The following RASAL3 variants were observed in gnomAD, a reference collection of about 807,000 sequenced individuals.
RASAL3 encodes RAS protein activator like 3.
RASAL3 carries 74 observed loss-of-function variants against 105.5 expected under a neutral mutation model. The observed-to-expected ratio is 0.70, with a 90% CI of 0.58 to 0.85. The LOEUF (loss-of-function observed/expected upper bound fraction) is 0.85. RASAL3 is among the 40% of genes least tolerant of loss of function. The pLI, the probability that RASAL3 is intolerant of heterozygous loss-of-function variation, is 0.00. For missense variants in RASAL3, 1,352 were observed against 1,392.0 expected (o/e 0.97, Z 0.46); for synonymous variants, 579 against 591.6 (o/e 0.98, Z 0.31).
chr19:15,461,995 TG>T (rs1174053333), intron 2 of RASAL3, among the ~76,000 whole-genome samples: 1 of 152,144 alleles, frequency 6.6e-6, no homozygotes, highest in Non-Finnish European at 1.5e-5. Context: ...TCTCTTTTTT[TG>T]TTTTTTTGTT....
Position 15,458,562 on chromosome 19 carries a change from G to A in RASAL3, c.756C>T (p.His252=), listed in dbSNP as rs751560919. The A allele has an allele frequency of 2.1e-5, 34 of 1,613,842 alleles. No individual in the cohort carries two copies. Among genetic ancestry groups the A allele is most frequent in the Non-Finnish European group, 2.9e-5 (34 of 1,179,824 alleles). The change falls in exon 7 of 18, where the codon CAC becomes CAT. Residue 252 remains histidine (H), a synonymous_variant. Coordinates refer to ENST00000343625, the MANE Select transcript of RASAL3 (RefSeq NM_022904.3). ...AGTGGGGCTCCCCCAGGAGGCTGGG[G>A]TGCAGTGGCCAGATCCGCACATCCC... The part of the protein sequence containing the change: ...AERDVRIWPL[H]PSLLGEPHCF...
Position 15,451,705 on chromosome 19 carries a change from C to T in RASAL3, c.*90G>A. 3.5e-6 allele frequency: 5 copies of T among 1,436,018 alleles called. No homozygotes were observed. Among genetic ancestry groups the T allele is most frequent in the Non-Finnish European group, 4.7e-6 (5 of 1,057,928 alleles). The allele number at this position is 1,436,018 out of a possible 1,614,324, so 89.0% of individuals were successfully genotyped here. On this transcript the variant is annotated 3_prime_UTR_variant, in exon 18 of 18. Transcript: ENST00000343625. ...CAGCAGCTCCACTCCCCACTGTAGG[C>T]CAAGTAGGGCTAAGGCAAAGTCAGA...
Position 15,461,246 on chromosome 19 carries a change from G to C in RASAL3, c.516C>G (p.His172Gln). ...VGSASSEGSI[H>Q]VAMGNFRDPD... ...GATCCCTGAAGTTCCCCATGGCCAC[G>C]TGGATGCTGCCCTCGGAGCTAGCAC... is the stretch of plus-strand genomic sequence containing the variant. The change falls in exon 4 of 18, where the codon CAC (histidine) becomes CAG (glutamine). Residue 172 changes from histidine to glutamine, a missense_variant. Coordinates refer to ENST00000343625, the MANE Select transcript of RASAL3 (RefSeq NM_022904.3). The C allele has an allele frequency of 6.2e-7, 1 of 1,613,832 alleles. No homozygotes were observed. Among genetic ancestry groups the C allele is most frequent in the Non-Finnish European group, 8.5e-7 (1 of 1,179,858 alleles).
chr19:15,457,280 G>T lies in RASAL3; in HGVS notation c.1431+12C>A. 7.8e-7 allele frequency: 1 copy of T among 1,274,010 alleles called. No individual in the cohort carries two copies. The highest frequency in any genetic ancestry group is 9.9e-7 in the Non-Finnish European group (1 of 1,009,838). The allele number at this position is 1,274,010 out of a possible 1,614,324, so 78.9% of individuals were successfully genotyped here. A position where few individuals can be genotyped will look rare whatever the true frequency, so the allele number is the denominator to read the frequency against. On this transcript the variant is annotated intron_variant, in intron 9 of 17. Coordinates refer to ENST00000343625, the MANE Select transcript of RASAL3 (RefSeq NM_022904.3). This position sits in a 1 kb window ranked among gnomAD's most constrained non-coding sequence, Gnocchi z 8.6. ...CCTGGTAGCCCCGGTCCGCGCTGTC[G>T]CGGTGCCGCACCTGCGCCCGGCCGG...
rs537452662 is a variant in RASAL3, at chr19:15,463,217, C to T, written c.328+814G>A. On this transcript the variant is annotated intron_variant, in intron 2 of 17. Transcript: ENST00000343625. ...TATCCTGCCTCAGCCTCCTGAGTAG[C>T]TGGGAGTACAGGTATGTGCCACCAT... Among the ~76,000 whole-genome samples, 33 of 151,908 alleles carry T rather than the reference C, an allele frequency of 2.2e-4. No homozygotes were observed. In the South Asian group the frequency reaches 6.2e-3, roughly 29 times the overall value.
chr19:15,456,515 G>A lies in RASAL3; in HGVS notation c.1563C>T (p.Leu521=), dbSNP rs763135568. Residue 521 remains leucine (L), a synonymous_variant, in exon 10 of 18, where the codon CTC becomes CTT. Transcript: ENST00000343625. The surrounding 1 kb of genome is among the most constrained non-coding windows in gnomAD (Gnocchi z 4.4). ...CCCCCAGCTCACCCAGGGTCTCCTG[G>A]AGGTAATCCTGTGCCACGAGCTTCA... ...EYMKLVAQDY[L]QETLGQVVRR... is the part of the protein sequence containing the mutation. 5 of 1,613,622 alleles carry A rather than the reference G, an allele frequency of 3.1e-6. No individual in the cohort carries two copies. The African/African-American group carries it at 5.3e-5, about 17-fold the overall frequency.
chr19:15,464,263 CT>C lies in RASAL3; in HGVS notation c.95del (p.Glu32GlyfsTer19), dbSNP rs1194451443. 1.2e-6 allele frequency: 2 copies of C among 1,609,794 alleles called. No individual in the cohort carries two copies. The highest frequency in any genetic ancestry group is 2.7e-5 in the African/African-American group (2 of 74,788). On this transcript the variant is annotated frameshift_variant, in exon 2 of 18. Coordinates refer to ENST00000343625, the MANE Select transcript of RASAL3 (RefSeq NM_022904.3). LOFTEE classifies it high-confidence loss of function. ...CCCAGCGGAACCCTCCAGCCGCCTT[CT>C]CCCCACCGCCCCCTGTGTGCCAGCG... ...SYRWHTGGGG[E>X]KAAGGFRWGR...
In RASAL3 at chr19:15,453,526, C is replaced by T. The variant is rs1352705718; in HGVS notation, c.2280-29G>A. 6 of 1,482,766 alleles carry T rather than the reference C, an allele frequency of 4.0e-6. No homozygotes were observed. In the Admixed American group the frequency reaches 1.1e-4, roughly 28 times the overall value. 91.9% of individuals were successfully genotyped at this position (1,482,766 alleles called of 1,614,324 possible). On this transcript the variant is annotated intron_variant, in intron 14 of 17. Coordinates refer to ENST00000343625, the MANE Select transcript of RASAL3 (RefSeq NM_022904.3). The surrounding 1 kb of genome is among the most constrained non-coding windows in gnomAD (Gnocchi z 4.2). ...GGGGTGGGATGGAGGATCTTAGACC[C>T]TCCACTGGCCCCTGAGACGACCCCA...
At position 15,456,679 on chromosome 19, in the gene RASAL3, T is replaced by C. The variant is rs762100974; in HGVS notation, c.1432-33A>G. The C allele has an allele frequency of 9.4e-6, 15 of 1,602,962 alleles. No individual in the cohort carries two copies. In the South Asian group the frequency reaches 1.7e-4, roughly 18 times the overall value. ...GGGCAGGAGGTCAGGTTGCACCAGA[T>C]GCAGACAGAGTCCAAGGGAATTCGG... On this transcript the variant is annotated intron_variant, in intron 9 of 17. Coordinates refer to ENST00000343625, the MANE Select transcript of RASAL3 (RefSeq NM_022904.3). The surrounding 1 kb of genome is among the most constrained non-coding windows in gnomAD (Gnocchi z 4.4).
intron 3 of RASAL3, 78 bp from the exon 4 acceptor site, chr19:15,461,374 A>C (rs1970504621): frequency 1.3e-6 from 2 of 1,528,348 alleles, no homozygotes; most frequent in Admixed American, 3.8e-5. Flanking sequence ...GGAGAGGCAG[A>C]CACCTTCCCA....
intron 11 of RASAL3, among the ~76,000 whole-genome samples, chr19:15,455,132 G>A (rs1328758144): frequency 6.6e-6 from 1 of 152,206 alleles, no homozygotes; most frequent in Non-Finnish European, 1.5e-5. Context: ...GGCTTATGGT[G>A]TAGCTATGGC....
In RASAL3 at chr19:15,464,116, A is replaced by ACTGGTCC. The variant is rs1245829226; in HGVS notation, c.236_242dup (p.Ser81ArgfsTer16). On this transcript the variant is annotated frameshift_variant, in exon 2 of 18. Coordinates refer to ENST00000343625, the MANE Select transcript of RASAL3 (RefSeq NM_022904.3). LOFTEE classifies it high-confidence loss of function. ...AGAGGGCCTTGGAGAGTCGAAGGCG[A>ACTGGTCC]CTGGTCCGTGACTCCTTGGGAGGCG... 6.2e-7 allele frequency: 1 copy of ACTGGTCC among 1,613,274 alleles called. No homozygotes were observed. The highest frequency in any genetic ancestry group is 1.1e-5 in the South Asian group (1 of 91,008).
Position 15,457,514 on chromosome 19 carries a change from C to G in RASAL3, c.1209G>C (p.Trp403Cys), listed in dbSNP as rs1970363134. ...PRAPAAGLER[W>C]FPLLGAPAGA... Reference sequence around the variant, plus strand: ...CCGCCGGCGCCCCGAGCAGCGGGAACCAGCGCTCCAGACCGGCGGCAGGCG... The same window carrying G: ...CCGCCGGCGCCCCGAGCAGCGGGAAGCAGCGCTCCAGACCGGCGGCAGGCG... The change falls in exon 9 of 18, where the codon TGG becomes TGC. Residue 403 changes from tryptophan to cysteine, a missense_variant. This residue lies in a region of RASAL3 where 920 missense variants were observed against 919.6 expected (regional missense o/e 1.00). Coordinates refer to ENST00000343625, the MANE Select transcript of RASAL3 (RefSeq NM_022904.3). The surrounding 1 kb of genome is among the most constrained non-coding windows in gnomAD (Gnocchi z 8.6). The G allele has an allele frequency of 3.2e-5, 37 of 1,158,344 alleles. 1 individual carries two copies. In the South Asian group the frequency reaches 8.3e-4, roughly 26 times the overall value. 71.8% of individuals were successfully genotyped at this position (1,158,344 alleles called of 1,614,324 possible). A position where few individuals can be genotyped will look rare whatever the true frequency, so the allele number is the denominator to read the frequency against.
chr19:15,461,207 C>T lies in RASAL3; in HGVS notation c.544+11G>A, dbSNP rs962329673. On this transcript the variant is annotated intron_variant, in intron 4 of 17. Coordinates refer to ENST00000343625, the MANE Select transcript of RASAL3 (RefSeq NM_022904.3). ...CCAAATGCCCCAGGCCTTTCCACCCCTCAAGCTTACCTGGATCCCTGAAGT... is the reference window on the plus strand; with the variant it reads ...CCAAATGCCCCAGGCCTTTCCACCCTTCAAGCTTACCTGGATCCCTGAAGT... 1.2e-6 allele frequency: 2 copies of T among 1,613,776 alleles called. No homozygotes were observed. Among genetic ancestry groups the T allele is most frequent in the Non-Finnish European group, 1.7e-6 (2 of 1,179,834 alleles).
Position 15,456,109 on chromosome 19 carries a change from G to A in RASAL3, c.1716C>T (p.Ser572=). Residue 572 remains serine (S), a synonymous_variant, in exon 11 of 18, where the codon TCC becomes TCT. Coordinates refer to ENST00000343625, the MANE Select transcript of RASAL3 (RefSeq NM_022904.3). The surrounding 1 kb of genome is among the most constrained non-coding windows in gnomAD (Gnocchi z 4.4). The part of the protein sequence containing the change: ...CEEVFETIIH[S]YDWFPAELGI... ...GCTGGGGCCCTGATTCTCACTCGTA[G>A]GAATGGATAATGGTTTCGAAGACCT... is the stretch of plus-strand genomic sequence containing the variant. 6.2e-7 allele frequency: 1 copy of A among 1,613,522 alleles called. No homozygotes were observed. The highest frequency in any genetic ancestry group is 8.5e-7 in the Non-Finnish European group (1 of 1,179,578).
In RASAL3 at chr19:15,453,558, C is replaced by T. The variant is rs1970227453; in HGVS notation, c.2280-61G>A. 6.9e-6 allele frequency: 10 copies of T among 1,441,810 alleles called. No individual in the cohort carries two copies. In the South Asian group the frequency reaches 1.3e-4, roughly 18 times the overall value. 89.3% of individuals were successfully genotyped at this position (1,441,810 alleles called of 1,614,324 possible). A position where few individuals can be genotyped will look rare whatever the true frequency, so the allele number is the denominator to read the frequency against. On this transcript the variant is annotated intron_variant, in intron 14 of 17. Transcript: ENST00000343625. The surrounding 1 kb of genome is among the most constrained non-coding windows in gnomAD (Gnocchi z 4.2). Reference sequence around the variant, plus strand: ...GGCCCCTGAGACGACCCCATCCCGACCTGACCAGAAGTGACCTCACCCCCC... The same window carrying T: ...GGCCCCTGAGACGACCCCATCCCGATCTGACCAGAAGTGACCTCACCCCCC...
At chr19:15,452,946 G>T in intron 15 of RASAL3, 131 bp from the exon 16 acceptor site, 1 of 1,456,562 alleles carries the variant, frequency 6.9e-7, no homozygotes, top group Non-Finnish European at 9.2e-7. Flanking sequence ...CCCTCCTGCG[G>T]TACAGCTGGG....
At chr19:15,459,945 A>G (rs1970457137) in intron 6 of RASAL3, among the ~76,000 whole-genome samples, 1 of 152,070 alleles carries the variant, frequency 6.6e-6, no homozygotes, top group Non-Finnish European at 1.5e-5. Flanking sequence ...CACCCTTCAG[A>G]TCTCAGCTCA....
In RASAL3 at chr19:15,457,136, C is replaced by T. The variant is rs185056351; in HGVS notation, c.1431+156G>A. ...GTGCCCCGCCCTTCTAGGTGCCCCG[C>T]CGCTTACAGGTGACACTTGGACCAC... On this transcript the variant is annotated intron_variant, in intron 9 of 17. Transcript: ENST00000343625. This position sits in a 1 kb window ranked among gnomAD's most constrained non-coding sequence, Gnocchi z 8.6. 2.8e-4 allele frequency among the ~76,000 whole-genome samples: 42 copies of T among 152,214 alleles called. No individual in the cohort carries two copies. The East Asian group carries it at 7.2e-3, about 26-fold the overall frequency.
Sources: gnomAD v4.1 joint callset for allele counts (sites outside exome capture counted in the v4.1 genomes callset) on GRCh38, gnomAD v4.1.1 for gene constraint, gnomAD v4.1.1 regional missense constraint, Gnocchi (gnomAD v3.1) non-coding constraint, MANE v1.5 for transcripts, NCBI Gene and HGNC (gene_info 2026-07-23, HGNC 2026-07-21) for gene names.